Variants in STON1 observed in about 807,000 individuals in gnomAD.
The protein encoded by STON1 is stonin 1, also known as stonin-1.
Under a neutral mutation model 60.9 loss-of-function variants are expected in STON1, and 79 were observed. That is an observed-to-expected ratio of 1.30 (90% CI 1.08 to 1.56). The LOEUF is 1.56. Among genes scored for constraint, STON1 ranks in the 40% most tolerant of loss-of-function variants. The probability of loss-of-function intolerance (pLI) is 0.00; values close to 1 mark genes in which losing one functional copy is unlikely to be tolerated. For synonymous variants in STON1, 363 were observed against 306.9 expected, an observed-to-expected ratio of 1.18 and a Z score of -1.91; for missense variants, 1,166 against 858.9, an observed-to-expected ratio of 1.36 and a Z score of -4.47.
intron 1 of STON1, among the ~76,000 whole-genome samples, chr2:48,572,948 C>T (rs1329290100): frequency 2.0e-5 from 3 of 152,224 alleles, no homozygotes; most frequent in African/African-American, 4.8e-5. Context: ...GCAGCCTGGG[C>T]TGCCCTCCGC....
intron 1 of STON1, among the ~76,000 whole-genome samples, chr2:48,576,658 G>T (rs1402109496): frequency 1.3e-5 from 2 of 152,064 alleles, no homozygotes; most frequent in Non-Finnish European, 2.9e-5. Context: ...TTGGAGACAT[G>T]TTTATTCAAG....
At chr2:48,564,405 GTCTTCTTCTTCTTCT>G (rs1241898892) in intron 1 of STON1, among the ~76,000 whole-genome samples, 118 of 82,994 alleles carry the variant, frequency 1.4e-3, no homozygotes, top group South Asian at 4.5e-3. Flanking sequence ...CAGTGGCGGT[GTCTTCTTCTTCTTCT>G]TCTTCTTCTT....
intron 2 of STON1, among the ~76,000 whole-genome samples, chr2:48,587,128 C>T (rs185829055): frequency 4.6e-5 from 7 of 152,288 alleles, no homozygotes; most frequent in Admixed American, 1.3e-4. Context: ...CCCTACTAAT[C>T]GGGCTCTATG....
intron 1 of STON1, among the ~76,000 whole-genome samples, chr2:48,536,618 C>G (rs1671443526): frequency 6.7e-6 from 1 of 148,574 alleles, no homozygotes; most frequent in Non-Finnish European, 1.5e-5. Flanking sequence ...AAATTGTTAG[C>G]TATTATTACT....
intron 1 of STON1, chr2:48,531,944 TG>T (rs1428300312): frequency 3.9e-5 from 6 of 152,332 alleles, no homozygotes; most frequent in African/African-American, 1.4e-4. Flanking sequence ...AAAGAGTTTA[TG>T]TTAAAAAGGA....
At chr2:48,538,471 T>C (rs553310475) in intron 1 of STON1, among the ~76,000 whole-genome samples, 1 of 152,312 alleles carries the variant, frequency 6.6e-6, no homozygotes, top group East Asian at 1.9e-4. Context: ...GATCCATTCA[T>C]GTGTTCTTGG....
chr2:48,553,300 A>G (rs1672177492), intron 1 of STON1, among the ~76,000 whole-genome samples: 1 of 152,114 alleles, frequency 6.6e-6, no homozygotes, highest in Non-Finnish European at 1.5e-5. Context: ...TGAAGGCTCA[A>G]GAGTTTAGAC....
intron 1 of STON1, among the ~76,000 whole-genome samples, chr2:48,576,498 CTTT>C (rs35460615): frequency 0.32 from 46,366 of 143,782 alleles, 7,341 homozygotes; most frequent in East Asian, 0.43. Context: ...CCATATTATC[CTTT>C]TTTTTTTTTT....
intron 1 of STON1, among the ~76,000 whole-genome samples, chr2:48,571,604 G>A (rs1456513333): frequency 6.6e-6 from 1 of 152,164 alleles, no homozygotes; most frequent in Non-Finnish European, 1.5e-5. Flanking sequence ...AGATGACTGA[G>A]GAAAATGCAT....
rs34920901 is a variant in STON1, at chr2:48,544,184, T to TTGTG, written c.-48+13982_-48+13985dup. On this transcript the variant is annotated intron_variant, in intron 1 of 3. Coordinates refer to ENST00000404752, the MANE Select transcript of STON1 (RefSeq NM_006873.4). ...TATTCTTTTTTTTCTTCTCTGGATT[T>TTGTG]TGTGTGTGTGTGTGTGTCTGTCTGT... Among the ~76,000 whole-genome samples the TTGTG allele has an allele frequency of 4.9e-3, 709 of 145,372 alleles. 3 individuals carry two copies. The highest frequency in any genetic ancestry group is 6.6e-3 in the Non-Finnish European group (430 of 65,454).
chr2:48,588,053 C>G (rs1421796530), intron 2 of STON1, among the ~76,000 whole-genome samples: 2 of 152,150 alleles, frequency 1.3e-5, no homozygotes, highest in Non-Finnish European at 2.9e-5. Flanking sequence ...AAGGTTGGAG[C>G]AGAGAGGAAA....
chr2:48,565,855 T>C (rs1672919565), intron 1 of STON1, among the ~76,000 whole-genome samples: 1 of 152,220 alleles, frequency 6.6e-6, no homozygotes, highest in African/African-American at 2.4e-5. Context: ...GTGACCTGCT[T>C]AGCAAATTTC....
intron 1 of STON1, among the ~76,000 whole-genome samples, chr2:48,534,758 G>A (rs1473503247): frequency 1.3e-5 from 2 of 152,090 alleles, no homozygotes; most frequent in Admixed American, 6.6e-5. Flanking sequence ...CTCCAGCCTC[G>A]GCAACAGAGC....
At chr2:48,591,342 A>G (rs1674499631) in intron 2 of STON1, among the ~76,000 whole-genome samples, 1 of 151,018 alleles carries the variant, frequency 6.6e-6, no homozygotes. Context: ...CTAATTGAAA[A>G]CATTTTTAGG....
Position 48,595,173 on chromosome 2 carries a change from G to A in STON1, c.2134-55G>A, listed in dbSNP as rs571615663. On this transcript the variant is annotated intron_variant, in intron 3 of 3. Transcript: ENST00000404752. Reference sequence around the variant, plus strand: ...ATGTATAAAATAGGACTGAAGAGGTGTGAGTGCTGTGTTGCATTTGTTAAT... The same window carrying A: ...ATGTATAAAATAGGACTGAAGAGGTATGAGTGCTGTGTTGCATTTGTTAAT... The A allele has an allele frequency of 1.4e-5, 19 of 1,357,296 alleles. No homozygotes were observed. The South Asian group carries it at 1.9e-4, about 14-fold the overall frequency. The allele number at this position is 1,357,296 out of a possible 1,614,324, so 84.1% of individuals were successfully genotyped here.
intron 2 of STON1, among the ~76,000 whole-genome samples, chr2:48,585,956 C>T (rs942900419): frequency 6.6e-6 from 1 of 152,280 alleles, no homozygotes; most frequent in Admixed American, 6.5e-5. Flanking sequence ...TAGGCTCAGG[C>T]TGTGGGCTTG....
At chr2:48,586,610 C>T (rs780536143) in intron 2 of STON1, among the ~76,000 whole-genome samples, 2 of 152,062 alleles carry the variant, frequency 1.3e-5, no homozygotes, top group Non-Finnish European at 2.9e-5. Context: ...GGGGATCTTA[C>T]CTAAGTTTTG....
intron 1 of STON1, among the ~76,000 whole-genome samples, chr2:48,555,363 GC>G: frequency 1.9e-5 from 1 of 53,688 alleles, no homozygotes; most frequent in African/African-American, 6.8e-5. Flanking sequence ...GGCTGGCCGG[GC>G]AGAGGGGCTC....
chr2:48,538,226 G>A (rs2103744276), intron 1 of STON1, among the ~76,000 whole-genome samples: 1 of 152,104 alleles, frequency 6.6e-6, no homozygotes, highest in East Asian at 1.9e-4. Flanking sequence ...CAAAGTGCTG[G>A]GATTACAGGC....
Sources: allele counts gnomAD v4.1 joint callset (sites outside exome capture counted in the v4.1 genomes callset), GRCh38; gene constraint gnomAD v4.1.1; transcripts MANE v1.5; gene names NCBI Gene and HGNC (gene_info 2026-07-23, HGNC 2026-07-21).